The following DNAH12 variants were observed in gnomAD, a reference collection of about 807,000 sequenced individuals.
The protein encoded by DNAH12 is axonemal beta dynein heavy chain 12.
Under a neutral mutation model 371.5 loss-of-function variants are expected in DNAH12, and 285 were observed. That is an observed-to-expected ratio of 0.77 (90% confidence interval 0.70 to 0.85). DNAH12 has a LOEUF of 0.85. DNAH12 is among the 40% of genes least tolerant of loss of function. The pLI, the probability that DNAH12 is intolerant of heterozygous loss-of-function variation, is 0.00. For missense variants in DNAH12, 3,611 were observed against 3,689.4 expected (o/e 0.98, Z 0.55); for synonymous variants, 1,200 against 1,213.0 (o/e 0.99, Z 0.22).
intron 41 of DNAH12, among the ~76,000 whole-genome samples, 194 bp from the exon 42 acceptor site, chr3:57,405,341 TTTG>T: frequency 6.6e-6 from 1 of 152,182 alleles, no homozygotes; most frequent in Non-Finnish European, 1.5e-5. Context: ...ATTTATATGT[TTTG>T]TTGTTGTTAG....
In DNAH12 at chr3:57,415,525, A is replaced by G; in HGVS notation, c.5754T>C (p.Ser1918=). The G allele has an allele frequency of 1.3e-6, 2 of 1,550,380 alleles. No individual in the cohort carries two copies. Among genetic ancestry groups the G allele is most frequent in the Admixed American group, 2.0e-5 (1 of 50,580 alleles). ...TCATTAGCTTATCCTTCACATACAC[A>G]GATTTTCCTGTACCCGTTGGACCCA... ...LFVGPTGTGK[S]VYVKDKLMNH... Residue 1918 remains serine, a synonymous_variant, in exon 38 of 74, where the codon TCT becomes TCC. Transcript: ENST00000495027.
At position 57,428,490 on chromosome 3, in the gene DNAH12, C is replaced by A. The variant is rs549612777; in HGVS notation, c.5253+143G>T. 203 of 1,529,592 alleles carry A rather than the reference C, an allele frequency of 1.3e-4. 1 individual carries two copies. The East Asian group carries it at 4.9e-3, about 37-fold the overall frequency. The allele number at this position is 1,529,592 out of a possible 1,614,324, so 94.8% of individuals were successfully genotyped here. On this transcript the variant is annotated intron_variant, in intron 34 of 73. Coordinates refer to ENST00000495027, the MANE Select transcript of DNAH12 (RefSeq NM_001366028.2). ...CTGAGTTATGCAGCTATAACTTAAG[C>A]AATATAAAACCAACGGTGGATAGTA...
chr3:57,552,372 T>A, the DNAH12 span, among the ~76,000 whole-genome samples: 1 of 152,222 alleles, frequency 6.6e-6, no homozygotes, highest in Non-Finnish European at 1.5e-5. Context: ...GGACAATTTA[T>A]AATTATCTAT....
Position 57,419,372 on chromosome 3 carries a change from A to C in DNAH12, c.5709T>G (p.Tyr1903Ter). 1 of 1,496,656 alleles carries C rather than the reference A, an allele frequency of 6.7e-7. No homozygotes were observed. Among genetic ancestry groups the C allele is most frequent in the Non-Finnish European group, 8.8e-7 (1 of 1,130,094 alleles). 92.7% of individuals were successfully genotyped at this position (1,496,656 alleles called of 1,614,324 possible). Reference sequence around the variant, plus strand: ...TTTATAGCAGAGTTCCTTACTTTGCATAGGTAATACTCAAATCCATTAGAA... The same window carrying C: ...TTTATAGCAGAGTTCCTTACTTTGCCTAGGTAATACTCAAATCCATTAGAA... ...YTFLMDLSIT[Y>*]AKPLLFVGPT... The change falls in exon 37 of 74, where the codon TAT becomes TAG. Residue 1903 changes from tyrosine (Y) to a stop codon, truncating the protein, a stop_gained. Coordinates refer to ENST00000495027, the MANE Select transcript of DNAH12 (RefSeq NM_001366028.2). LOFTEE classifies it high-confidence loss of function.
At chr3:57,336,371 G>A (rs1423021634) in intron 60 of DNAH12, among the ~76,000 whole-genome samples, 1 of 152,036 alleles carries the variant, frequency 6.6e-6, no homozygotes, top group Non-Finnish European at 1.5e-5. Flanking sequence ...CATGCTGAAG[G>A]AGTTAAAGCA....
chr3:57,352,804 A>G (rs1553661079), intron 59 of DNAH12, among the ~76,000 whole-genome samples: 1 of 152,124 alleles, frequency 6.6e-6, no homozygotes, highest in East Asian at 1.9e-4. Flanking sequence ...AAATGCATGA[A>G]AAGGTCAGGC....
intron 37 of DNAH12, among the ~76,000 whole-genome samples, chr3:57,416,563 A>G (rs750046648): frequency 9.2e-5 from 14 of 152,200 alleles, no homozygotes; most frequent in Admixed American, 3.9e-4. Context: ...ACATGGGGGC[A>G]GCATGTGAAT....
At chr3:57,317,936 A>G (rs2061722514) in intron 65 of DNAH12, among the ~76,000 whole-genome samples, 1 of 151,954 alleles carries the variant, frequency 6.6e-6, no homozygotes, top group Non-Finnish European at 1.5e-5. Context: ...GCATTTTTTC[A>G]TATATCTGTT....
chr3:57,312,604 A>G (rs1213260851), intron 66 of DNAH12, among the ~76,000 whole-genome samples: 1 of 152,192 alleles, frequency 6.6e-6, no homozygotes, highest in East Asian at 1.9e-4. Flanking sequence ...GCAGTTTCCA[A>G]TGTTGGGGCT....
intron 12 of DNAH12, among the ~76,000 whole-genome samples, chr3:57,487,028 G>T (rs138328096): frequency 1.3e-5 from 2 of 152,220 alleles, no homozygotes; most frequent in African/African-American, 4.8e-5. Flanking sequence ...AAGGACAACG[G>T]CCATAAAGTG....
At chr3:57,514,820 G>T (rs1286473585) in intron 4 of DNAH12, among the ~76,000 whole-genome samples, 1 of 152,142 alleles carries the variant, frequency 6.6e-6, no homozygotes, top group African/African-American at 2.4e-5. Flanking sequence ...CTATTGAAAA[G>T]GAGTGTAGAA....
chr3:57,376,899 G>C (rs984570760), intron 53 of DNAH12, 82 bp downstream of exon 53: 5 of 152,220 alleles, frequency 3.3e-5, no homozygotes, highest in East Asian at 3.9e-4. Flanking sequence ...TGTAAAATCA[G>C]TAATCACAAT....
At chr3:57,400,289 A>C (rs2063830860) in intron 43 of DNAH12, among the ~76,000 whole-genome samples, 1 of 152,188 alleles carries the variant, frequency 6.6e-6, no homozygotes, top group Non-Finnish European at 1.5e-5. Flanking sequence ...CTATCTAAAA[A>C]AAAAAATTAT....
At chr3:57,344,742 T>C (rs1211414142) in intron 60 of DNAH12, among the ~76,000 whole-genome samples, 1 of 152,120 alleles carries the variant, frequency 6.6e-6, no homozygotes, top group Admixed American at 6.6e-5. Flanking sequence ...TAAAATGAAG[T>C]TGATTTCATA....
chr3:57,488,234 C>T (rs1221940923), intron 12 of DNAH12, among the ~76,000 whole-genome samples: 1 of 151,898 alleles, frequency 6.6e-6, no homozygotes, highest in Non-Finnish European at 1.5e-5. Context: ...GCACTGTAGC[C>T]CGGGCTGGAG....
At chr3:57,419,778 T>C (rs1040852150) in intron 36 of DNAH12, among the ~76,000 whole-genome samples, 2 of 152,184 alleles carry the variant, frequency 1.3e-5, no homozygotes, top group Admixed American at 6.5e-5. Flanking sequence ...AAAAATATAA[T>C]GTAACTTTTG....
At chr3:57,443,525 G>C (rs1012199551) in intron 29 of DNAH12, among the ~76,000 whole-genome samples, 14 of 152,078 alleles carry the variant, frequency 9.2e-5, no homozygotes, top group Admixed American at 4.6e-4. Flanking sequence ...TTGGAAATGC[G>C]AGTGGTTTGT....
rs1277140971 is a variant in DNAH12 at position 57,419,394 on chromosome 3, A to G, written c.5687T>C (p.Leu1896Pro). 9 of 1,505,960 alleles carry G rather than the reference A, an allele frequency of 6.0e-6. No individual in the cohort carries two copies. Among genetic ancestry groups the G allele is most frequent in the Non-Finnish European group, 7.9e-6 (9 of 1,133,130 alleles). The allele number at this position is 1,505,960 out of a possible 1,614,324, so 93.3% of individuals were successfully genotyped here. Residue 1896 changes from leucine (L) to proline (P), a missense_variant, in exon 37 of 74, where the codon CTA becomes CCA. Physicochemically the swap from Leu to Pro is moderately conservative, Grantham distance 98. Around this residue, in one of 3 missense-constraint regions of DNAH12, gnomAD observed 2,266 missense variants for 2,236.9 expected, o/e 1.01. Coordinates refer to ENST00000495027, the MANE Select transcript of DNAH12 (RefSeq NM_001366028.2). Reference protein sequence around the residue: ...PTMDTIRYTFLMDLSITYAKP... With the variant: ...PTMDTIRYTFPMDLSITYAKP... ...TGCATAGGTAATACTCAAATCCATTAGAAACGTATATCTAATTGTGTCCAT... is the reference window on the plus strand; with the variant it reads ...TGCATAGGTAATACTCAAATCCATTGGAAACGTATATCTAATTGTGTCCAT...
chr3:57,408,597 A>C, intron 39 of DNAH12, 62 bp from the exon 40 acceptor site: 1 of 1,393,014 alleles, frequency 7.2e-7, no homozygotes, highest in Non-Finnish European at 9.4e-7. Flanking sequence ...ATGGGATGAA[A>C]TATAGATCTC....
Sources: allele counts gnomAD v4.1 joint callset (sites outside exome capture counted in the v4.1 genomes callset), GRCh38; gene constraint gnomAD v4.1.1; regional missense constraint gnomAD v4.1.1; transcripts MANE v1.5; gene names NCBI Gene and HGNC (gene_info 2026-07-23, HGNC 2026-07-21).